KIF13A: variants seen among roughly 807,000 people sequenced by gnomAD.
KIF13A encodes kinesin-like protein KIF13A.
In KIF13A, 79 loss-of-function variants were observed where a neutral mutation model predicts 212.2. The observed-to-expected ratio is 0.37, with a 90% confidence interval of 0.31 to 0.45. The LOEUF (loss-of-function observed/expected upper bound fraction) is 0.45, where lower values mean the gene tolerates loss of function less well. Among genes scored for constraint, KIF13A ranks in the 20% least tolerant of loss-of-function variants. KIF13A has a pLI of 1.00. For synonymous variants in KIF13A, 789 were observed against 808.6 expected, an observed-to-expected ratio of 0.98 and a Z score of 0.41; for missense variants, 1,901 against 2,209.0, an observed-to-expected ratio of 0.86 and a Z score of 2.79.
chr6:17,821,000 C>T (rs1282177233), intron 16 of KIF13A, among the ~76,000 whole-genome samples: 1 of 152,168 alleles, frequency 6.6e-6, no homozygotes, highest in Non-Finnish European at 1.5e-5. Context: ...ACGCATGACC[C>T]TTTGTCAGCC....
chr6:17,906,677 T>G, intron 2 of KIF13A, among the ~76,000 whole-genome samples: 1 of 152,192 alleles, frequency 6.6e-6, no homozygotes, highest in Non-Finnish European at 1.5e-5. Flanking sequence ...CTCGAACTTC[T>G]GGGCTCAAGC....
Position 17,779,012 on chromosome 6 carries a change from T to G in KIF13A, c.4027A>C (p.Ile1343Leu). Residue 1343 changes from isoleucine to leucine, a missense_variant, in exon 33 of 39, where the codon ATT becomes CTT. Ile to Leu is a conservative substitution (Grantham distance 5). Transcript: ENST00000259711. The stretch of plus-strand genomic sequence containing the variant: ...AGCACGCCTCGAGTGTACTTCTCAA[T>G]GTACGTCTCCCCATCTGATGTGCCT... ...NEGTSDGETY[I>L]EKYTRGVLQV... is the part of the protein sequence containing the mutation. 1 of 1,613,600 alleles carries G rather than the reference T, an allele frequency of 6.2e-7. No homozygotes were observed. The highest frequency in any genetic ancestry group is 8.5e-7 in the Non-Finnish European group (1 of 1,179,800).
rs1347785931 is a variant in KIF13A, at chr6:17,776,734, A to G, written c.4170+543T>C. 1.3e-5 allele frequency among the ~76,000 whole-genome samples: 2 copies of G among 152,214 alleles called. No homozygotes were observed. Among genetic ancestry groups the G allele is most frequent in the Non-Finnish European group, 2.9e-5 (2 of 68,038 alleles). ...GCTGCTTAGAAGTGCTCCATGCACT[A>G]ATCTGTCCTATCCCTCTGTGACAGT... On this transcript the variant is annotated intron_variant, in intron 34 of 38. Transcript: ENST00000259711. The surrounding 1 kb of genome is among the most constrained non-coding windows in gnomAD (Gnocchi z 4.6).
chr6:17,869,290 A>G (rs953161928), intron 4 of KIF13A, among the ~76,000 whole-genome samples: 3 of 152,104 alleles, frequency 2.0e-5, no homozygotes, highest in Non-Finnish European at 4.4e-5. Flanking sequence ...GTTGTCATAA[A>G]TCTCAGTACA....
Position 17,837,553 on chromosome 6 carries a change from T to A in KIF13A, c.861A>T (p.Ser287=). Residue 287 remains serine (S), a synonymous_variant, in exon 10 of 39, where the codon TCA becomes TCT. Coordinates refer to ENST00000259711, the MANE Select transcript of KIF13A (RefSeq NM_022113.6). This position sits in a 1 kb window ranked among gnomAD's most constrained non-coding sequence, Gnocchi z 5.4. ...TGCCAGCTGCCTGGTCAGCCAGTGA[T>A]GATATAACCAACCCCAAGGTTGTAA... ...KSLTTLGLVI[S]SLADQAAGKG... is the part of the protein sequence containing the mutation. 1 of 1,608,728 alleles carries A rather than the reference T, an allele frequency of 6.2e-7. No individual in the cohort carries two copies. The highest frequency in any genetic ancestry group is 8.5e-7 in the Non-Finnish European group (1 of 1,177,350).
chr6:17,863,927 G>C (rs143002864), intron 4 of KIF13A, among the ~76,000 whole-genome samples: 6 of 152,136 alleles, frequency 3.9e-5, no homozygotes, highest in Non-Finnish European at 8.8e-5. Context: ...AGCTGTTTAC[G>C]CTGAGTGGTG....
intron 2 of KIF13A, among the ~76,000 whole-genome samples, chr6:17,975,740 TTAGATTAGC>T (rs200957140): frequency 0.012 from 1,823 of 152,172 alleles, 38 homozygotes; most frequent in African/African-American, 0.041. Context: ...CACGTCCTCA[TTAGATTAGC>T]TAGATACAGA....
Position 17,898,317 on chromosome 6 carries a change from T to C in KIF13A, c.147-137A>G. The stretch of plus-strand genomic sequence containing the variant: ...CTTGATAACATGATCTGAAAGATAT[T>C]CTTCTTCATGAAGATCAGAAGCCAA... On this transcript the variant is annotated intron_variant, in intron 2 of 38. Transcript: ENST00000259711. The surrounding 1 kb of genome is among the most constrained non-coding windows in gnomAD (Gnocchi z 5.2). 1.3e-6 allele frequency: 1 copy of C among 786,778 alleles called. No homozygotes were observed. The highest frequency in any genetic ancestry group is 2.0e-6 in the Non-Finnish European group (1 of 491,348). The allele number at this position is 786,778 out of a possible 1,614,324, so 48.7% of individuals were successfully genotyped here. A position where few individuals can be genotyped will look rare whatever the true frequency, so the allele number is the denominator to read the frequency against.
intron 4 of KIF13A, among the ~76,000 whole-genome samples, chr6:17,861,159 A>C (rs1006032409): frequency 1.2e-4 from 19 of 152,208 alleles, no homozygotes; most frequent in Non-Finnish European, 2.6e-4. Context: ...AATCTGAGAA[A>C]AACAACATAA....
chr6:17,834,247 G>A lies in KIF13A; in HGVS notation c.1156-176C>T, dbSNP rs1210160773. Among the ~76,000 whole-genome samples, 1 of 152,192 alleles carries A rather than the reference G, an allele frequency of 6.6e-6. No individual in the cohort carries two copies. The highest frequency in any genetic ancestry group is 1.5e-5 in the Non-Finnish European group (1 of 68,040). ...AATCAAACGAATGTAAGAGAACATG[G>A]CTGTTCCCTGAAAAAGAAATACCAG... On this transcript the variant is annotated intron_variant, in intron 11 of 38. Coordinates refer to ENST00000259711, the MANE Select transcript of KIF13A (RefSeq NM_022113.6). This position sits in a 1 kb window ranked among gnomAD's most constrained non-coding sequence, Gnocchi z 4.0.
intron 4 of KIF13A, among the ~76,000 whole-genome samples, chr6:17,868,092 A>C (rs1159160576): frequency 6.6e-6 from 1 of 152,262 alleles, no homozygotes; most frequent in Non-Finnish European, 1.5e-5. Flanking sequence ...TGGCTTCAGC[A>C]CATTTGAGCA....
At chr6:17,846,261 A>G (rs543800109) in intron 9 of KIF13A, among the ~76,000 whole-genome samples, 3 of 152,014 alleles carry the variant, frequency 2.0e-5, no homozygotes, top group Admixed American at 1.3e-4. Context: ...CGGCCAAGGC[A>G]TACTAAATGT....
Position 17,792,356 on chromosome 6 carries a change from C to T in KIF13A, c.3222+1893G>A, listed in dbSNP as rs114012878. Among the ~76,000 whole-genome samples, 1,027 of 152,216 alleles carry T rather than the reference C, an allele frequency of 6.7e-3. 9 individuals carry two copies. Among genetic ancestry groups the T allele is most frequent in the Non-Finnish European group, 0.011 (770 of 68,006 alleles). On this transcript the variant is annotated intron_variant, in intron 25 of 38. Transcript: ENST00000259711. ...TGAACACCAGAGATTTATTAAGCCACAAAATTTTATTGTGGACAGGGACCT... is the reference window on the plus strand; with the variant it reads ...TGAACACCAGAGATTTATTAAGCCATAAAATTTTATTGTGGACAGGGACCT...
intron 2 of KIF13A, among the ~76,000 whole-genome samples, chr6:17,976,363 C>G (rs1174972800): frequency 6.6e-6 from 1 of 152,208 alleles, no homozygotes; most frequent in Admixed American, 6.5e-5. Flanking sequence ...GGCGAGAAAT[C>G]GAGCGCAGCG....
intron 2 of KIF13A, among the ~76,000 whole-genome samples, chr6:17,943,400 ATTTTTT>A (rs11311833): frequency 2.3e-5 from 3 of 132,290 alleles, no homozygotes; most frequent in African/African-American, 8.6e-5. Context: ...TAAAACACAG[ATTTTTT>A]TTTTTTTTTT....
Position 17,773,510 on chromosome 6 carries a change from A to G in KIF13A, c.4292T>C (p.Leu1431Ser), listed in dbSNP as rs763542054. The change falls in exon 36 of 39, where the codon TTA becomes TCA. Residue 1431 changes from leucine (L) to serine (S), a missense_variant. By Grantham distance (145) the Leu-to-Ser change is moderately radical (BLOSUM62 -2). This residue lies in a region of KIF13A where 687 missense variants were observed against 759.1 expected (regional missense o/e 0.90). Coordinates refer to ENST00000259711, the MANE Select transcript of KIF13A (RefSeq NM_022113.6). This position sits in a 1 kb window ranked among gnomAD's most constrained non-coding sequence, Gnocchi z 4.2. ...SYQDVACYGTLPRDSPRRNKE... is the reference protein window; with the variant it reads ...SYQDVACYGTSPRDSPRRNKE... ...ATTCCTTCGAGGAGAATCCCTGGGT[A>G]AAGTTCCATAACATGCTACATCTTG... is the stretch of plus-strand genomic sequence containing the variant. The G allele has an allele frequency of 2.0e-5, 33 of 1,609,850 alleles. No individual in the cohort carries two copies. The highest frequency in any genetic ancestry group is 2.8e-5 in the Non-Finnish European group (33 of 1,176,664).
chr6:17,780,718 C>G lies in KIF13A; in HGVS notation c.3846+12G>C. ...TCAGAGCCAGAATGGCACAATCAGG[C>G]CCCGTTATTACCTGTTTGTTGTAAA... On this transcript the variant is annotated intron_variant, in intron 31 of 38. Coordinates refer to ENST00000259711, the MANE Select transcript of KIF13A (RefSeq NM_022113.6). 4.3e-6 allele frequency: 7 copies of G among 1,610,834 alleles called. No homozygotes were observed. Among genetic ancestry groups the G allele is most frequent in the Non-Finnish European group, 5.9e-6 (7 of 1,177,664 alleles).
chr6:17,781,020 T>A lies in KIF13A; in HGVS notation c.3670-114A>T, dbSNP rs150710350. 255 of 1,354,398 alleles carry A rather than the reference T, an allele frequency of 1.9e-4. No individual in the cohort carries two copies. In the African/African-American group the frequency reaches 3.4e-3, roughly 18 times the overall value. The allele number at this position is 1,354,398 out of a possible 1,614,324, so 83.9% of individuals were successfully genotyped here. A position where few individuals can be genotyped will look rare whatever the true frequency, so the allele number is the denominator to read the frequency against. On this transcript the variant is annotated intron_variant, in intron 30 of 38. Transcript: ENST00000259711. ...TTCAACTCACTGTAATCAAATAGAT[T>A]TCTTTCCTCACCTTTTTTAAACAGC...
intron 2 of KIF13A, among the ~76,000 whole-genome samples, chr6:17,976,708 G>C (rs1171693816): frequency 1.3e-5 from 2 of 152,070 alleles, no homozygotes; most frequent in African/African-American, 2.4e-5. Context: ...GGCGCCGAGA[G>C]CGAGCGAGGG....
Sources: gnomAD v4.1 joint callset for allele counts (sites outside exome capture counted in the v4.1 genomes callset) on GRCh38, gnomAD v4.1.1 for gene constraint, gnomAD v4.1.1 regional missense constraint, Gnocchi (gnomAD v3.1) non-coding constraint, MANE v1.5 for transcripts, NCBI Gene and HGNC (gene_info 2026-07-23, HGNC 2026-07-21) for gene names.